The following CHRNA7 variants were observed in gnomAD, a reference collection of about 807,000 sequenced individuals.
The protein encoded by CHRNA7 is neuronal acetylcholine receptor subunit alpha-7.
A neutral mutation model predicts 48.0 loss-of-function variants in CHRNA7; 17 were observed. The observed-to-expected ratio is 0.35, with a 90% CI of 0.24 to 0.53. The LOEUF (loss-of-function observed/expected upper bound fraction) is 0.53, where lower values mean the gene tolerates loss of function less well. Among genes scored for constraint, CHRNA7 ranks in the 20% least tolerant of loss-of-function variants. The pLI, the probability that CHRNA7 is intolerant of heterozygous loss-of-function variation, is 0.92. For synonymous variants in CHRNA7, 75 were observed against 242.3 expected, an observed-to-expected ratio of 0.31 and a Z score of 6.41; for missense variants, 155 against 577.7, an observed-to-expected ratio of 0.27 and a Z score of 7.50.
intron 4 of CHRNA7, among the ~76,000 whole-genome samples, chr15:32,137,035 A>AT (rs2051277519): frequency 6.8e-6 from 1 of 147,194 alleles, no homozygotes; most frequent in South Asian, 2.1e-4. Flanking sequence ...CCGTCTCAAA[A>AT]AAAAAAAAAA....
chr15:32,030,799 G>A, intron 1 of CHRNA7, 99 bp from the exon 2 acceptor site: 2 of 1,524,590 alleles, frequency 1.3e-6, no homozygotes, highest in African/African-American at 1.4e-5. Flanking sequence ...GCTTGTCTGG[G>A]CTGCACCGGG....
At chr15:32,167,708 G>A (rs1413530872) in intron 9 of CHRNA7, among the ~76,000 whole-genome samples, 2 of 42,678 alleles carry the variant, frequency 4.7e-5, no homozygotes, top group African/African-American at 1.3e-4. Flanking sequence ...TGCCTGCCCC[G>A]GAGAACAATT....
chr15:32,138,524 G>A (rs955652985), intron 4 of CHRNA7, among the ~76,000 whole-genome samples: 1 of 147,806 alleles, frequency 6.8e-6, no homozygotes, highest in Non-Finnish European at 1.5e-5. Flanking sequence ...AACTGATGCA[G>A]ACACATCATT....
intron 2 of CHRNA7, among the ~76,000 whole-genome samples, chr15:32,048,456 T>C (rs2049597049): frequency 6.6e-6 from 1 of 152,262 alleles, no homozygotes; most frequent in Non-Finnish European, 1.5e-5. Context: ...TTTATTTGCG[T>C]GGAGATGTTT....
chr15:32,048,539 G>A (rs188892136), intron 2 of CHRNA7, among the ~76,000 whole-genome samples: 96 of 151,972 alleles, frequency 6.3e-4, no homozygotes, highest in Admixed American at 3.9e-3. Context: ...TTTTTATTGC[G>A]TCTATTTGAT....
intron 2 of CHRNA7, among the ~76,000 whole-genome samples, chr15:32,049,784 C>G (rs1470582982): frequency 6.6e-6 from 1 of 152,184 alleles, no homozygotes; most frequent in Non-Finnish European, 1.5e-5. Context: ...GCAGCTAGTA[C>G]CGGTTGTGCC....
At chr15:32,051,596 A>G (rs4779967) in intron 2 of CHRNA7, among the ~76,000 whole-genome samples, 135,461 of 152,070 alleles carry the variant, frequency 0.89, 60,850 homozygotes, top group South Asian at 0.97. Flanking sequence ...GACCCCTTGC[A>G]CTTCCCGAGT....
At chr15:32,145,839 G>T (rs1180708415) in intron 4 of CHRNA7, among the ~76,000 whole-genome samples, 2 of 152,166 alleles carry the variant, frequency 1.3e-5, no homozygotes, top group Admixed American at 1.3e-4. Flanking sequence ...AGCTTCCCTT[G>T]GCTAGGAAAG....
chr15:32,062,536 G>A (rs1029967307), intron 2 of CHRNA7, among the ~76,000 whole-genome samples: 1 of 152,134 alleles, frequency 6.6e-6, no homozygotes, highest in Non-Finnish European at 1.5e-5. Context: ...TGTCTTCCAT[G>A]TTGTTAGAGA....
chr15:32,044,790 G>A lies in CHRNA7; in HGVS notation c.195+13753G>A, dbSNP rs549010189. On this transcript the variant is annotated intron_variant, in intron 2 of 9. Transcript: ENST00000306901. The stretch of plus-strand genomic sequence containing the variant: ...ACTGACACTTACAGGGAAGAGGCTA[G>A]GGATGCTACTAAATGACCTATAGTG... 1.5e-3 allele frequency among the ~76,000 whole-genome samples: 232 copies of A among 152,326 alleles called. 2 individuals carry two copies. Among genetic ancestry groups the A allele is most frequent in the Non-Finnish European group, 6.5e-4 (44 of 68,010 alleles).
chr15:32,117,608 G>A (rs980851750), intron 4 of CHRNA7, among the ~76,000 whole-genome samples: 2 of 152,130 alleles, frequency 1.3e-5, no homozygotes, highest in African/African-American at 4.8e-5. Flanking sequence ...GGTGTTCTCA[G>A]CCAGAGCAGA....
intron 2 of CHRNA7, among the ~76,000 whole-genome samples, chr15:32,074,263 C>T (rs925137738): frequency 6.0e-5 from 9 of 150,172 alleles, no homozygotes; most frequent in Non-Finnish European, 1.2e-4. Flanking sequence ...CTTCTGCAAA[C>T]AGCCAGTGTT....
intron 3 of CHRNA7, among the ~76,000 whole-genome samples, chr15:32,106,959 C>T (rs952314579): frequency 8.5e-5 from 13 of 152,174 alleles, no homozygotes; most frequent in African/African-American, 2.9e-4. Flanking sequence ...GACAAGCCGG[C>T]TAGTGGCTTG....
chr15:32,095,325 A>G (rs1239995926), intron 2 of CHRNA7, among the ~76,000 whole-genome samples: 1 of 152,194 alleles, frequency 6.6e-6, no homozygotes, highest in Non-Finnish European at 1.5e-5. Flanking sequence ...CCTTAACGTT[A>G]TTGAAGATCC....
chr15:32,112,864 C>T (rs1400548506), intron 4 of CHRNA7, among the ~76,000 whole-genome samples: 2 of 91,194 alleles, frequency 2.2e-5, no homozygotes, highest in South Asian at 2.9e-4. Context: ...ATCTGGGGGC[C>T]GGCCACATTT....
At chr15:32,041,852 G>T (rs1276007535) in intron 2 of CHRNA7, among the ~76,000 whole-genome samples, 5 of 151,980 alleles carry the variant, frequency 3.3e-5, no homozygotes, top group African/African-American at 1.2e-4. Context: ...TTTCTTTTTG[G>T]TTATGTCTTA....
At chr15:32,049,132 G>A (rs2049615739) in intron 2 of CHRNA7, among the ~76,000 whole-genome samples, 1 of 151,632 alleles carries the variant, frequency 6.6e-6, no homozygotes, top group African/African-American at 2.4e-5. Flanking sequence ...GTTGATTTGG[G>A]GTGGAGAGTT....
intron 4 of CHRNA7, among the ~76,000 whole-genome samples, chr15:32,144,699 G>C (rs906349143): frequency 6.6e-6 from 1 of 152,076 alleles, no homozygotes; most frequent in Non-Finnish European, 1.5e-5. Context: ...TCTTCCACTT[G>C]ATCGAATCGG....
intron 2 of CHRNA7, among the ~76,000 whole-genome samples, chr15:32,057,931 A>G (rs982783386): frequency 2.0e-5 from 3 of 152,206 alleles, no homozygotes; most frequent in African/African-American, 2.4e-5. Context: ...GACAGCCTGT[A>G]ATGTTTCAAG....
Sources: allele counts gnomAD v4.1 joint callset (sites outside exome capture counted in the v4.1 genomes callset), GRCh38; gene constraint gnomAD v4.1.1; transcripts MANE v1.5; gene names NCBI Gene and HGNC (gene_info 2026-07-23, HGNC 2026-07-21).